STON1: variants seen among roughly 807,000 people sequenced by gnomAD.
STON1 encodes stonin-1.
In STON1, 79 loss-of-function variants were observed where a neutral mutation model predicts 60.9. The ratio of observed to expected loss-of-function variants is 1.30; its 90% CI spans 1.08 to 1.56. The LOEUF (loss-of-function observed/expected upper bound fraction) is 1.56. Among genes scored for constraint, STON1 ranks in the 40% most tolerant of loss-of-function variants. The pLI is 0.00. For missense variants in STON1, 1,166 were observed against 858.9 expected, an observed-to-expected ratio of 1.36 and a Z score of -4.47; for synonymous variants, 363 against 306.9, an observed-to-expected ratio of 1.18 and a Z score of -1.91.
At position 48,563,299 on chromosome 2, in the gene STON1, C is replaced by A. The variant is rs141627468; in HGVS notation, c.-47-17288C>A. Among the ~76,000 whole-genome samples the A allele has an allele frequency of 1.1e-4, 17 of 152,326 alleles. 1 individual carries two copies. The highest frequency in any genetic ancestry group is 4.1e-4 in the African/African-American group (17 of 41,576). On this transcript the variant is annotated intron_variant, in intron 1 of 3. Transcript: ENST00000404752. ...TGCCATTCTCAATGCCCAGAGGATG[C>A]TCTGGGGAAGAAAGCCCTCACATGT... is the stretch of plus-strand genomic sequence containing the variant.
chr2:48,532,680 C>T (rs891797543), intron 1 of STON1, among the ~76,000 whole-genome samples: 3 of 152,070 alleles, frequency 2.0e-5, no homozygotes, highest in African/African-American at 7.2e-5. Flanking sequence ...GATGGTTTGC[C>T]ACGGGTACAA....
intron 1 of STON1, among the ~76,000 whole-genome samples, chr2:48,538,208 C>T (rs1465168020): frequency 5.3e-5 from 8 of 152,136 alleles, no homozygotes; most frequent in African/African-American, 9.7e-5. Context: ...ATCCCCTCCT[C>T]GGCCTCCCAA....
Position 48,582,384 on chromosome 2 carries a change from C to G in STON1, c.1751C>G (p.Thr584Ser). The stretch of plus-strand genomic sequence containing the variant: ...TCGCAGTGGATCAAGGCCCTTTGGA[C>G]CATGAACCTCCAGAGGCAGAAGTCT... Reference protein sequence around the residue: ...VPSQWIKALWTMNLQRQKSLK... With the variant: ...VPSQWIKALWSMNLQRQKSLK... Residue 584 changes from threonine to serine, a missense_variant, in exon 2 of 4, where the codon ACC becomes AGC. Coordinates refer to ENST00000404752, the MANE Select transcript of STON1 (RefSeq NM_006873.4). 1.9e-6 allele frequency: 3 copies of G among 1,614,116 alleles called. No individual in the cohort carries two copies. The highest frequency in any genetic ancestry group is 2.5e-6 in the Non-Finnish European group (3 of 1,180,026).
rs546392419 is a variant in STON1, at chr2:48,578,845, C to T, written c.-47-1742C>T. ...ACCTCAAGTGATCTACCCACCTTGG[C>T]CTCCCAAAGTGCTGGGATTATAGGC... is the stretch of plus-strand genomic sequence containing the variant. On this transcript the variant is annotated intron_variant, in intron 1 of 3. Coordinates refer to ENST00000404752, the MANE Select transcript of STON1 (RefSeq NM_006873.4). Among the ~76,000 whole-genome samples the T allele has an allele frequency of 2.6e-5, 4 of 152,050 alleles. No homozygotes were observed. In the East Asian group the frequency reaches 7.8e-4, roughly 29 times the overall value.
At chr2:48,561,379 C>T (rs953757463) in intron 1 of STON1, among the ~76,000 whole-genome samples, 1 of 152,206 alleles carries the variant, frequency 6.6e-6, no homozygotes, top group Non-Finnish European at 1.5e-5. Context: ...ATTTCCATCT[C>T]GGAAGTCAGT....
Position 48,580,762 on chromosome 2 carries a change from C to A in STON1, c.129C>A (p.Asn43Lys). 2.6e-6 allele frequency: 4 copies of A among 1,554,284 alleles called. No individual in the cohort carries two copies. Among genetic ancestry groups the A allele is most frequent in the Middle Eastern group, 1.7e-4 (1 of 5,836 alleles). Reference sequence around the variant, plus strand: ...GTAGACCAAATGGACTGAAGCTGAACCTTCCTGGCCTCAGGGAATTTCCCA... The same window carrying A: ...GTAGACCAAATGGACTGAAGCTGAAACTTCCTGGCCTCAGGGAATTTCCCA... Reference protein sequence around the residue: ...GVCRPNGLKLNLPGLREFPSG... With the variant: ...GVCRPNGLKLKLPGLREFPSG... Residue 43 changes from asparagine (N) to lysine (K), a missense_variant, in exon 2 of 4, where the codon AAC (asparagine) becomes AAA (lysine). Coordinates refer to ENST00000404752, the MANE Select transcript of STON1 (RefSeq NM_006873.4).
At chr2:48,557,336 G>A (rs1309724910) in intron 1 of STON1, among the ~76,000 whole-genome samples, 4 of 96,344 alleles carry the variant, frequency 4.2e-5, no homozygotes, top group Non-Finnish European at 4.5e-5. Context: ...CATCCCAGAT[G>A]GGGCGGCGGG....
At chr2:48,533,767 C>CT (rs67961428) in intron 1 of STON1, among the ~76,000 whole-genome samples, 15 of 90,546 alleles carry the variant, frequency 1.7e-4, no homozygotes, top group East Asian at 3.2e-4. Context: ...TTACACAGGA[C>CT]TTTTTTTTTT....
At chr2:48,578,167 G>C (rs1274297039) in intron 1 of STON1, among the ~76,000 whole-genome samples, 1 of 151,544 alleles carries the variant, frequency 6.6e-6, no homozygotes, top group Non-Finnish European at 1.5e-5. Context: ...AGTAGAGATG[G>C]GGTTTCACCA....
intron 1 of STON1, among the ~76,000 whole-genome samples, chr2:48,571,760 GT>G (rs1191474332): frequency 6.6e-6 from 1 of 152,214 alleles, no homozygotes; most frequent in Non-Finnish European, 1.5e-5. Flanking sequence ...ATTGATCTTA[GT>G]TGTTGACTTT....
intron 1 of STON1, among the ~76,000 whole-genome samples, chr2:48,565,775 A>C (rs1672917404): frequency 6.6e-6 from 1 of 152,200 alleles, no homozygotes; most frequent in South Asian, 2.1e-4. Context: ...TATCGAGTAC[A>C]TTTATGAGGC....
chr2:48,573,978 C>T (rs977694985), intron 1 of STON1, among the ~76,000 whole-genome samples: 6 of 152,146 alleles, frequency 3.9e-5, no homozygotes. Context: ...GGCATATTCA[C>T]AGGCACAGAA....
intron 1 of STON1, among the ~76,000 whole-genome samples, chr2:48,541,665 C>G (rs1161739447): frequency 7.5e-6 from 1 of 133,404 alleles, no homozygotes; most frequent in Non-Finnish European, 1.5e-5. Context: ...CACCATTGCA[C>G]TCCATCCTGG....
At chr2:48,555,396 C>T (rs1246484164) in intron 1 of STON1, among the ~76,000 whole-genome samples, 1 of 63,120 alleles carries the variant, frequency 1.6e-5, no homozygotes, top group East Asian at 6.0e-4. Flanking sequence ...GTAGGGGCGG[C>T]CGGGCAGAGG....
chr2:48,580,057 C>T (rs1673781863), intron 1 of STON1, among the ~76,000 whole-genome samples: 1 of 152,126 alleles, frequency 6.6e-6, no homozygotes, highest in South Asian at 2.1e-4. Flanking sequence ...CAGGTGCCCA[C>T]CACCATGCTT....
In STON1 at chr2:48,564,542, T is replaced by C. The variant is rs1172402577; in HGVS notation, c.-47-16045T>C. ...TTCTTCTTCTTCTTCTTCTTCTTCTTCTTCTTCTTCTTCTTCTTCTTCTTC... is the reference window on the plus strand; with the variant it reads ...TTCTTCTTCTTCTTCTTCTTCTTCTCCTTCTTCTTCTTCTTCTTCTTCTTC... On this transcript the variant is annotated intron_variant, in intron 1 of 3. Coordinates refer to ENST00000404752, the MANE Select transcript of STON1 (RefSeq NM_006873.4). Among the ~76,000 whole-genome samples, 20 of 52,774 alleles carry C rather than the reference T, an allele frequency of 3.8e-4. 2 individuals carry two copies. The highest frequency in any genetic ancestry group is 2.1e-4 in the African/African-American group (3 of 14,602). 34.6% of individuals were successfully genotyped at this position (52,774 alleles called of 152,430 possible).
chr2:48,552,231 G>A (rs996470809), intron 1 of STON1, among the ~76,000 whole-genome samples: 1 of 152,192 alleles, frequency 6.6e-6, no homozygotes, highest in Non-Finnish European at 1.5e-5. Flanking sequence ...AATGCTATGT[G>A]AAATAAGCCA....
chr2:48,544,665 C>T (rs911791991), intron 1 of STON1, among the ~76,000 whole-genome samples: 1 of 152,196 alleles, frequency 6.6e-6, no homozygotes, highest in African/African-American at 2.4e-5. Context: ...CCTGCTTCAG[C>T]CTCCCGAGTA....
intron 1 of STON1, among the ~76,000 whole-genome samples, chr2:48,550,619 A>G (rs1672063394): frequency 6.6e-6 from 1 of 150,426 alleles, no homozygotes; most frequent in Non-Finnish European, 1.5e-5. Context: ...TTTAATGCAC[A>G]TAACCAAACC....
Sources: allele counts gnomAD v4.1 joint callset (sites outside exome capture counted in the v4.1 genomes callset), GRCh38; gene constraint gnomAD v4.1.1; transcripts MANE v1.5; gene names NCBI Gene and HGNC (gene_info 2026-07-23, HGNC 2026-07-21).